Variants in CACNA1D observed in about 807,000 individuals in gnomAD.
CACNA1D encodes the protein voltage-dependent L-type calcium channel subunit alpha-1D.
Under a neutral mutation model 257.1 loss-of-function variants are expected in CACNA1D, and 55 were observed. The observed-to-expected ratio is 0.21, with a 90% CI of 0.17 to 0.27. The LOEUF (loss-of-function observed/expected upper bound fraction) is 0.27. CACNA1D is among the 10% of genes least tolerant of loss of function. The probability of loss-of-function intolerance (pLI) is 1.00; values close to 1 mark genes in which losing one functional copy is unlikely to be tolerated. For missense variants in CACNA1D, 1,876 were observed against 2,784.0 expected, an observed-to-expected ratio of 0.67 and a Z score of 7.34; for synonymous variants, 980 against 1,014.9, an observed-to-expected ratio of 0.97 and a Z score of 0.65.
intron 26 of CACNA1D, among the ~76,000 whole-genome samples, chr3:53,748,831 A>T (rs2095197157): frequency 6.6e-6 from 1 of 152,070 alleles, no homozygotes; most frequent in African/African-American, 2.4e-5. Context: ...TCCTGTTAAG[A>T]GTTCCGCTAG....
Position 53,747,389 on chromosome 3 carries a change from C to G in CACNA1D, c.3255C>G (p.Asp1085Glu). Residue 1085 changes from aspartate (D) to glutamate (E), a missense_variant, in exon 26 of 48, where the codon GAC (aspartate) becomes GAG (glutamate). Asp to Glu is a conservative substitution (Grantham distance 45, BLOSUM62 2). This residue lies in a region of CACNA1D where 271 missense variants were observed against 425.5 expected (regional missense o/e 0.64). Transcript: ENST00000350061. ...GGCAAAACAGTGATTTCAACTTCGA[C>G]AACGTCCTCTCTGCTATGATGGCGC... is the stretch of plus-strand genomic sequence containing the variant. ...RIWQNSDFNF[D>E]NVLSAMMALF... The G allele has an allele frequency of 6.2e-7, 1 of 1,614,160 alleles. No homozygotes were observed. Among genetic ancestry groups the G allele is most frequent in the Non-Finnish European group, 8.5e-7 (1 of 1,179,952 alleles).
At chr3:53,709,127 C>T (rs148924769) in intron 9 of CACNA1D, among the ~76,000 whole-genome samples, 106 of 152,326 alleles carry the variant, frequency 7.0e-4, no homozygotes, top group African/African-American at 2.4e-3. Flanking sequence ...GCACCCAGCA[C>T]AGTGCTTGTC....
At chr3:53,743,219 A>G in intron 22 of CACNA1D, 102 bp downstream of exon 22, 3 of 763,686 alleles carry the variant, frequency 3.9e-6, no homozygotes, top group Admixed American at 2.0e-5. Flanking sequence ...TCATGATTAT[A>G]TTTAGTTATA....
In CACNA1D at chr3:53,723,925, T is replaced by C; in HGVS notation, c.2026T>C (p.Phe676Leu). The part of the protein sequence containing the change: ...LLGMQLFGGK[F>L]NFDETQTKRS... ...TGGGATGCAGCTGTTTGGCGGCAAGTTTAATTTTGATGAAACGCAAACCAA... is the reference window on the plus strand; with the variant it reads ...TGGGATGCAGCTGTTTGGCGGCAAGCTTAATTTTGATGAAACGCAAACCAA... The change falls in exon 14 of 48, where the codon TTT becomes CTT. Residue 676 changes from phenylalanine to leucine, a missense_variant. By Grantham distance (22) the Phe-to-Leu change is conservative (BLOSUM62 0). Transcript: ENST00000350061. This position sits in a 1 kb window ranked among gnomAD's most constrained non-coding sequence, Gnocchi z 5.6. The C allele has an allele frequency of 6.2e-7, 1 of 1,614,228 alleles. No individual in the cohort carries two copies. The highest frequency in any genetic ancestry group is 8.5e-7 in the Non-Finnish European group (1 of 1,180,042).
At chr3:53,520,599 C>T (rs1445635328) in intron 3 of CACNA1D, among the ~76,000 whole-genome samples, 5 of 152,116 alleles carry the variant, frequency 3.3e-5, no homozygotes, top group Non-Finnish European at 7.4e-5. Context: ...AACCCTGTCT[C>T]TACTAAAAAT....
At chr3:53,738,685 C>T (rs1025624026) in intron 20 of CACNA1D, among the ~76,000 whole-genome samples, 6 of 152,080 alleles carry the variant, frequency 3.9e-5, no homozygotes, top group African/African-American at 1.2e-4. Context: ...AATAGATGTA[C>T]ATATGTGTAT....
chr3:53,808,825 C>A, intron 46 of CACNA1D, 55 bp downstream of exon 46: 1 of 1,581,190 alleles, frequency 6.3e-7, no homozygotes, highest in Non-Finnish European at 8.6e-7. Context: ...ACATAGGACC[C>A]CCATCAGGTC....
chr3:53,716,301 C>G (rs1460632894), intron 9 of CACNA1D, among the ~76,000 whole-genome samples: 1 of 152,238 alleles, frequency 6.6e-6, no homozygotes, highest in South Asian at 2.1e-4. Context: ...TGTGGGTTCC[C>G]CACATCATAC....
intron 3 of CACNA1D, among the ~76,000 whole-genome samples, chr3:53,581,434 C>G (rs566881052): frequency 6.6e-6 from 1 of 152,278 alleles, no homozygotes; most frequent in South Asian, 2.1e-4. Flanking sequence ...CAGGTACATT[C>G]ACATCACACA....
chr3:53,727,000 G>C lies in CACNA1D; in HGVS notation c.2221+1G>C. 6.2e-7 allele frequency: 1 copy of C among 1,614,146 alleles called. No homozygotes were observed. Among genetic ancestry groups the C allele is most frequent in the South Asian group, 1.1e-5 (1 of 91,072 alleles). Reference sequence around the variant, plus strand: ...ATCATCCTCTTCATTTGTGGTAACTGTATCCTTCAAGCCGACCAGGCTTTG... The same window carrying C: ...ATCATCCTCTTCATTTGTGGTAACTCTATCCTTCAAGCCGACCAGGCTTTG... On this transcript the variant is annotated splice_donor_variant, in intron 15 of 47. Coordinates refer to ENST00000350061, the MANE Select transcript of CACNA1D (RefSeq NM_001128840.3). LOFTEE classifies it high-confidence loss of function.
chr3:53,667,697 G>A (rs533267350), intron 7 of CACNA1D, among the ~76,000 whole-genome samples: 2 of 152,156 alleles, frequency 1.3e-5, no homozygotes, highest in Non-Finnish European at 2.9e-5. Flanking sequence ...ATGAGGCAAA[G>A]AAGTTATATT....
At chr3:53,776,835 A>T (rs1456120100) in intron 36 of CACNA1D, 25 bp from the exon 37 acceptor site, 9 of 1,613,078 alleles carry the variant, frequency 5.6e-6, no homozygotes, top group Non-Finnish European at 7.6e-6. Flanking sequence ...CTGTTCCTGG[A>T]CCTTAGATTG....
chr3:53,587,286 G>A (rs1305202175), intron 3 of CACNA1D, among the ~76,000 whole-genome samples: 4 of 152,128 alleles, frequency 2.6e-5, no homozygotes, highest in East Asian at 1.9e-4. Context: ...GGGAAGATTC[G>A]AGAACTATTG....
intron 3 of CACNA1D, among the ~76,000 whole-genome samples, chr3:53,644,739 A>C (rs1210297933): frequency 6.6e-6 from 1 of 152,236 alleles, no homozygotes; most frequent in Non-Finnish European, 1.5e-5. Context: ...ATGGAGGTTA[A>C]TTCCATGTCT....
chr3:53,708,162 G>A (rs920208914), intron 9 of CACNA1D, among the ~76,000 whole-genome samples: 1 of 152,222 alleles, frequency 6.6e-6, no homozygotes, highest in South Asian at 2.1e-4. Context: ...AAACCAGGAC[G>A]TTATAGCTGG....
intron 3 of CACNA1D, among the ~76,000 whole-genome samples, chr3:53,575,430 A>G (rs1013373248): frequency 1.3e-5 from 2 of 152,168 alleles, no homozygotes; most frequent in African/African-American, 4.8e-5. Flanking sequence ...TCTTGTCAGC[A>G]GTAGATAGGA....
At chr3:53,727,045 G>A (rs1253215894) in intron 15 of CACNA1D, 46 bp downstream of exon 15, 1 of 1,612,544 alleles carries the variant, frequency 6.2e-7, no homozygotes, top group Non-Finnish European at 8.5e-7. Context: ...TCGTTATCTG[G>A]TTTTGTTTTT....
chr3:53,716,179 T>C (rs1576442505), intron 9 of CACNA1D, among the ~76,000 whole-genome samples: 1 of 152,336 alleles, frequency 6.6e-6, no homozygotes, highest in East Asian at 1.9e-4. Context: ...CTGTTAAAGA[T>C]GGAAATGACC....
At chr3:53,718,895 G>A (rs1007859403) in intron 10 of CACNA1D, among the ~76,000 whole-genome samples, 5 of 152,200 alleles carry the variant, frequency 3.3e-5, no homozygotes, top group Admixed American at 1.3e-4. Context: ...GTTGGATGAC[G>A]AGGCCCTGCC....
Sources: gnomAD v4.1 joint callset for allele counts (sites outside exome capture counted in the v4.1 genomes callset) on GRCh38, gnomAD v4.1.1 for gene constraint, gnomAD v4.1.1 regional missense constraint, Gnocchi (gnomAD v3.1) non-coding constraint, MANE v1.5 for transcripts, NCBI Gene and HGNC (gene_info 2026-07-23, HGNC 2026-07-21) for gene names.